MACROD2: variants seen among roughly 807,000 people sequenced by gnomAD.
The protein encoded by MACROD2 is mono-ADP ribosylhydrolase 2, also known as ADP-ribose glycohydrolase MACROD2.
MACROD2 carries 36 observed loss-of-function variants against 70.4 expected under a neutral mutation model. The ratio of observed to expected loss-of-function variants is 0.51; its 90% CI spans 0.39 to 0.68. MACROD2 has a LOEUF of 0.68. Among genes scored for constraint, MACROD2 ranks in the 30% least tolerant of loss-of-function variants. The pLI is 0.00. For missense variants in MACROD2, 496 were observed against 538.4 expected, an observed-to-expected ratio of 0.92 and a Z score of 0.78; for synonymous variants, 172 against 178.8, an observed-to-expected ratio of 0.96 and a Z score of 0.30.
intron 7 of MACROD2, among the ~76,000 whole-genome samples, chr20:15,455,356 C>T (rs775909088): frequency 6.6e-6 from 1 of 152,130 alleles, no homozygotes; most frequent in African/African-American, 2.4e-5. Flanking sequence ...GCAGCTTATC[C>T]GGTTACTTTA....
intron 5 of MACROD2, among the ~76,000 whole-genome samples, chr20:14,909,401 G>T (rs1029559011): frequency 6.6e-6 from 1 of 152,012 alleles, no homozygotes; most frequent in Non-Finnish European, 1.5e-5. Flanking sequence ...AAGCTAATAG[G>T]CCTATCGTTT....
intron 5 of MACROD2, among the ~76,000 whole-genome samples, chr20:14,762,525 C>G (rs984381809): frequency 1.3e-5 from 2 of 152,150 alleles, no homozygotes; most frequent in African/African-American, 4.8e-5. Context: ...ATTGGACATT[C>G]TCTCACTTAC....
rs2082733402 is a variant in MACROD2 at position 14,326,272 on chromosome 20, G to T, written c.272-167207G>T. On this transcript the variant is annotated intron_variant, in intron 3 of 17. Transcript: ENST00000684519. The surrounding 1 kb of genome is among the most constrained non-coding windows in gnomAD (Gnocchi z 5.5). ...AGAGGTGACAGACTTCACAGTAATT[G>T]TAATTGTTTTTCTTGAGGGACTCCC... 1 of 1,613,922 alleles carries T rather than the reference G, an allele frequency of 6.2e-7. No individual in the cohort carries two copies. Among genetic ancestry groups the T allele is most frequent in the Admixed American group, 1.7e-5 (1 of 60,004 alleles).
At chr20:14,469,423 G>T (rs2084500368) in intron 3 of MACROD2, among the ~76,000 whole-genome samples, 1 of 151,872 alleles carries the variant, frequency 6.6e-6, no homozygotes, top group Non-Finnish European at 1.5e-5. Flanking sequence ...TGCTCTTCTC[G>T]GGGAGTATCT....
Position 15,461,006 on chromosome 20 carries a change from A to ATATATATATATTTTTTTTT in MACROD2, c.571+29572_571+29573insATATATATATTTTTTTTTT. 3.1e-3 allele frequency among the ~76,000 whole-genome samples: 210 copies of ATATATATATATTTTTTTTT among 66,924 alleles called. 2 individuals are homozygous for ATATATATATATTTTTTTTT. The highest frequency in any genetic ancestry group is 5.3e-3 in the Non-Finnish European group (160 of 30,386). 43.9% of individuals were successfully genotyped at this position (66,924 alleles called of 152,430 possible). ...TATATATATATATATATATATATAT[A>ATATATATATATTTTTTTTT]TTTTTTTTTAATAGATGGGGTCTTG... On this transcript the variant is annotated intron_variant, in intron 7 of 17. Coordinates refer to ENST00000684519, the MANE Select transcript of MACROD2 (RefSeq NM_001351661.2).
intron 2 of MACROD2, among the ~76,000 whole-genome samples, chr20:14,056,010 G>A (rs1017594765): frequency 9.2e-5 from 14 of 151,990 alleles, no homozygotes; most frequent in African/African-American, 3.4e-4. Context: ...TTGATTGATT[G>A]ATTATGCAGA....
intron 9 of MACROD2, among the ~76,000 whole-genome samples, chr20:15,868,238 C>T (rs963459721): frequency 1.3e-5 from 2 of 152,174 alleles, no homozygotes; most frequent in African/African-American, 4.8e-5. Context: ...CATGTACCCT[C>T]AGCCTGGTCT....
chr20:15,146,159 A>G (rs1185295367), intron 5 of MACROD2, among the ~76,000 whole-genome samples: 4 of 152,142 alleles, frequency 2.6e-5, no homozygotes, highest in Admixed American at 1.3e-4. Context: ...AATGTCTTCT[A>G]TATAAGTATT....
intron 6 of MACROD2, among the ~76,000 whole-genome samples, chr20:15,235,924 T>G (rs905274333): frequency 1.2e-4 from 19 of 152,186 alleles, no homozygotes; most frequent in African/African-American, 4.6e-4. Context: ...ATATCTAGTC[T>G]TGGTTCTCAC....
At chr20:15,482,417 C>T (rs540738970) in intron 7 of MACROD2, among the ~76,000 whole-genome samples, 1 of 152,024 alleles carries the variant, frequency 6.6e-6, no homozygotes, top group South Asian at 2.1e-4. Context: ...TGGCCAAAAT[C>T]CAAAACACGG....
chr20:15,782,218 C>A (rs2051845803), intron 8 of MACROD2, among the ~76,000 whole-genome samples: 1 of 152,116 alleles, frequency 6.6e-6, no homozygotes, highest in African/African-American at 2.4e-5. Context: ...GCACTCAGCA[C>A]AAAGTTTGGC....
chr20:14,831,109 TTG>T (rs1368301378), intron 5 of MACROD2, among the ~76,000 whole-genome samples: 4 of 152,060 alleles, frequency 2.6e-5, no homozygotes, highest in African/African-American at 9.7e-5. Flanking sequence ...TCCCCAAGTG[TTG>T]TGTTTCACCA....
chr20:15,796,217 G>A (rs571337652), intron 8 of MACROD2, among the ~76,000 whole-genome samples: 1 of 152,178 alleles, frequency 6.6e-6, no homozygotes, highest in African/African-American at 2.4e-5. Flanking sequence ...CCATAGTGGT[G>A]TTAACTATAA....
intron 3 of MACROD2, among the ~76,000 whole-genome samples, chr20:14,417,031 CTATA>C (rs1482723261): frequency 8.0e-5 from 12 of 150,088 alleles, no homozygotes; most frequent in Middle Eastern, 3.4e-3. Context: ...CGCTATCTAT[CTATA>C]TATCTATCTA....
intron 5 of MACROD2, among the ~76,000 whole-genome samples, chr20:15,085,593 GGAT>G (rs1363954072): frequency 6.6e-6 from 1 of 152,030 alleles, no homozygotes; most frequent in Non-Finnish European, 1.5e-5. Flanking sequence ...ATGGATGGTA[GGAT>G]GTAAGTATAT....
chr20:14,004,532 A>G (rs1353958871), intron 2 of MACROD2, among the ~76,000 whole-genome samples: 1 of 152,216 alleles, frequency 6.6e-6, no homozygotes, highest in Non-Finnish European at 1.5e-5. Context: ...GGCTCATTTT[A>G]CAAGTAATAT....
At chr20:15,446,864 A>C (rs934468273) in intron 7 of MACROD2, among the ~76,000 whole-genome samples, 1 of 152,216 alleles carries the variant, frequency 6.6e-6, no homozygotes, top group African/African-American at 2.4e-5. Flanking sequence ...TGTTTATAGA[A>C]GGAAAGGAGG....
chr20:15,676,116 A>G (rs1044241703), intron 8 of MACROD2, among the ~76,000 whole-genome samples: 1 of 152,178 alleles, frequency 6.6e-6, no homozygotes, highest in African/African-American at 2.4e-5. Flanking sequence ...TATGTGAAAA[A>G]TTCAAGATTC....
intron 5 of MACROD2, among the ~76,000 whole-genome samples, chr20:14,792,279 G>A (rs751958280): frequency 6.6e-6 from 1 of 151,948 alleles, no homozygotes; most frequent in Non-Finnish European, 1.5e-5. Context: ...ATTGTTCTGT[G>A]TTACTTGTGG....
Sources: gnomAD v4.1 joint callset for allele counts (sites outside exome capture counted in the v4.1 genomes callset) on GRCh38, gnomAD v4.1.1 for gene constraint, Gnocchi (gnomAD v3.1) non-coding constraint, MANE v1.5 for transcripts, NCBI Gene and HGNC (gene_info 2026-07-23, HGNC 2026-07-21) for gene names.